Variants in PIK3C2G observed in about 807,000 individuals in gnomAD.
The protein encoded by PIK3C2G is phosphatidylinositol-4-phosphate 3-kinase catalytic subunit type 2 gamma.
PIK3C2G carries 168 observed loss-of-function variants against 181.1 expected under a neutral mutation model. That is an observed-to-expected ratio of 0.93 (90% CI 0.82 to 1.05). The LOEUF is 1.05. PIK3C2G is among the 50% of genes least tolerant of loss of function. The pLI, the probability that PIK3C2G is intolerant of heterozygous loss-of-function variation, is 0.00. For synonymous variants in PIK3C2G, 573 were observed against 592.2 expected, an observed-to-expected ratio of 0.97 and a Z score of 0.47; for missense variants, 1,869 against 1,732.8, an observed-to-expected ratio of 1.08 and a Z score of -1.40.
upstream of PIK3C2G, among the ~76,000 whole-genome samples, chr12:18,257,636 A>C (rs1363436209): frequency 1.3e-5 from 2 of 151,936 alleles, no homozygotes; most frequent in African/African-American, 4.8e-5. Flanking sequence ...GAGGGAAAGA[A>C]AAAAAGAAAA....
At chr12:18,322,264 C>G (rs4764392) in intron 7 of PIK3C2G, among the ~76,000 whole-genome samples, 21,309 of 151,698 alleles carry the variant, frequency 0.14, 1,893 homozygotes, top group Admixed American at 0.26. Flanking sequence ...TGCCTGTAGT[C>G]TCAGCTACTT....
rs963145674 is a variant in PIK3C2G at position 18,538,152 on chromosome 12, AC to A, written c.3324-3del. The stretch of plus-strand genomic sequence containing the variant: ...GAATGATTGCTACTGTTTTTGGTTT[AC>A]AGGGACCGAGCTCCTTTCATTTTTA... On this transcript the variant is annotated splice_region_variant and splice_polypyrimidine_tract_variant and intron_variant, in intron 24 of 32. Coordinates refer to ENST00000538779, the MANE Select transcript of PIK3C2G (RefSeq NM_001288772.2). 45 of 1,608,518 alleles carry A rather than the reference AC, an allele frequency of 2.8e-5. No homozygotes were observed. The highest frequency in any genetic ancestry group is 3.7e-5 in the Non-Finnish European group (43 of 1,177,702).
the PIK3C2G span, chr12:18,701,606 A>ATCCTCCTCCTCCTCCTCCTCC: frequency 1.3e-6 from 2 of 1,523,292 alleles, no homozygotes; most frequent in East Asian, 2.4e-5. Flanking sequence ...CTTTGAATTT[A>ATCCTCCTCCTCCTCCTCCTCC]TCCTCCTCCT....
In PIK3C2G at chr12:18,401,659, C is replaced by CA. The variant is rs528644739; in HGVS notation, c.2315+1814dup. ...AAAACATATAAAGACTCTTAAAACT[C>CA]AACAATAGAAAGATAAATAACCCAA... On this transcript the variant is annotated intron_variant, in intron 16 of 32. Coordinates refer to ENST00000538779, the MANE Select transcript of PIK3C2G (RefSeq NM_001288772.2). 2.2e-3 allele frequency among the ~76,000 whole-genome samples: 340 copies of CA among 152,136 alleles called. 1 individual carries two copies. The highest frequency in any genetic ancestry group is 6.9e-3 in the Admixed American group (105 of 15,284).
the PIK3C2G span, among the ~76,000 whole-genome samples, chr12:18,687,574 C>T: frequency 6.6e-6 from 1 of 152,072 alleles, no homozygotes; most frequent in African/African-American, 2.4e-5. Context: ...AGTTATTTCC[C>T]TTAATTCTTC....
intron 29 of PIK3C2G, among the ~76,000 whole-genome samples, chr12:18,572,266 T>G (rs889873980): frequency 2.0e-5 from 3 of 148,594 alleles, no homozygotes; most frequent in African/African-American, 4.9e-5. Flanking sequence ...CTGACAATAC[T>G]ATTTTAATAG....
chr12:18,247,999 C>T (rs920951505), exon 1 of PIK3C2G: 2 of 152,138 alleles, frequency 1.3e-5, no homozygotes, highest in African/African-American at 4.8e-5. Flanking sequence ...CAGAAACTAA[C>T]TACCTGGATT....
chr12:18,295,910 G>A (rs999325912), intron 5 of PIK3C2G, among the ~76,000 whole-genome samples: 2 of 151,982 alleles, frequency 1.3e-5, no homozygotes, highest in Admixed American at 6.6e-5. Flanking sequence ...TAAAAAATAT[G>A]TCCTTAAAGA....
intron 12 of PIK3C2G, among the ~76,000 whole-genome samples, chr12:18,366,180 T>C (rs549345105): frequency 8.5e-5 from 13 of 152,336 alleles, no homozygotes; most frequent in African/African-American, 2.9e-4. Context: ...AGTGAAAAGA[T>C]AAAATACTTG....
chr12:18,344,287 C>T (rs1227989592), intron 10 of PIK3C2G, among the ~76,000 whole-genome samples: 2 of 152,028 alleles, frequency 1.3e-5, no homozygotes, highest in African/African-American at 2.4e-5. Context: ...TAAAGAGTCA[C>T]GTACAAAAGT....
the PIK3C2G span, among the ~76,000 whole-genome samples, chr12:18,699,041 TTC>T: frequency 6.6e-6 from 1 of 152,302 alleles, no homozygotes; most frequent in Non-Finnish European, 1.5e-5. Context: ...CTTCTTTCTA[TTC>T]TCTTTCTCAG....
chr12:18,628,595 A>G (rs909102166), intron 31 of PIK3C2G, among the ~76,000 whole-genome samples: 4 of 152,218 alleles, frequency 2.6e-5, no homozygotes, highest in East Asian at 1.9e-4. Flanking sequence ...AATTACTAAT[A>G]TGCATCATAG....
intron 1 of PIK3C2G, among the ~76,000 whole-genome samples, chr12:18,273,947 C>G (rs1337426601): frequency 6.6e-6 from 1 of 151,660 alleles, no homozygotes; most frequent in African/African-American, 2.4e-5. Context: ...TGAACTCAAA[C>G]AAATTTACAA....
At position 18,445,903 on chromosome 12, in the gene PIK3C2G, A is replaced by C. The variant is rs565752879; in HGVS notation, c.2504+21864A>C. Reference sequence around the variant, plus strand: ...GCATAGAACATCTCTGAATGGATACAAAAGAAACTAGGTGCAATCTTTTTA... The same window carrying C: ...GCATAGAACATCTCTGAATGGATACCAAAGAAACTAGGTGCAATCTTTTTA... On this transcript the variant is annotated intron_variant, in intron 18 of 32. Coordinates refer to ENST00000538779, the MANE Select transcript of PIK3C2G (RefSeq NM_001288772.2). 3.0e-4 allele frequency among the ~76,000 whole-genome samples: 45 copies of C among 152,326 alleles called. 1 individual carries two copies. Among genetic ancestry groups the C allele is most frequent in the African/African-American group, 1.0e-3 (43 of 41,584 alleles).
intron 29 of PIK3C2G, among the ~76,000 whole-genome samples, chr12:18,574,014 C>G (rs1021137687): frequency 1.3e-5 from 2 of 152,144 alleles, no homozygotes; most frequent in African/African-American, 4.8e-5. Flanking sequence ...CACACGTACT[C>G]TATATATGCA....
intron 15 of PIK3C2G, among the ~76,000 whole-genome samples, chr12:18,394,952 T>TA (rs1943764869): frequency 6.6e-6 from 1 of 151,914 alleles, no homozygotes; most frequent in African/African-American, 2.4e-5. Context: ...AAAGGCTTAG[T>TA]AATCCCTAAG....
intron 24 of PIK3C2G, among the ~76,000 whole-genome samples, chr12:18,525,582 G>T (rs1943178861): frequency 6.6e-6 from 1 of 152,082 alleles, no homozygotes; most frequent in African/African-American, 2.4e-5. Flanking sequence ...GCTGAACCTG[G>T]CCCATACTGT....
At chr12:18,286,692 A>G (rs143165914) in intron 2 of PIK3C2G, among the ~76,000 whole-genome samples, 155 bp from the exon 3 acceptor site, 2 of 152,216 alleles carry the variant, frequency 1.3e-5, no homozygotes, top group East Asian at 1.9e-4. Context: ...AGATCTGTGC[A>G]TTTTTCTATG....
At chr12:18,623,323 T>TTGTC (rs1672064730) in intron 31 of PIK3C2G, among the ~76,000 whole-genome samples, 1 of 151,872 alleles carries the variant, frequency 6.6e-6, no homozygotes, top group Non-Finnish European at 1.5e-5. Context: ...TCGTATGTTA[T>TTGTC]TGTCACTCTT....
Sources: allele counts gnomAD v4.1 joint callset (sites outside exome capture counted in the v4.1 genomes callset), GRCh38; gene constraint gnomAD v4.1.1; transcripts MANE v1.5; gene names NCBI Gene and HGNC (gene_info 2026-07-23, HGNC 2026-07-21).